The following RPF2 variants were observed in gnomAD, a reference collection of about 807,000 sequenced individuals.
The protein encoded by RPF2 is ribosome production factor 2 homolog, also known as brix domain containing 1.
In RPF2, 21 loss-of-function variants were observed where a neutral mutation model predicts 38.9. That is an observed-to-expected ratio of 0.54 (90% CI 0.38 to 0.78). RPF2 has a LOEUF of 0.78. Among genes scored for constraint, RPF2 ranks in the 30% least tolerant of loss-of-function variants. RPF2 has a pLI of 0.00. For missense variants in RPF2, 314 were observed against 358.1 expected, an observed-to-expected ratio of 0.88 and a Z score of 0.99; for synonymous variants, 121 against 126.2, an observed-to-expected ratio of 0.96 and a Z score of 0.28.
chr6:111,012,608 A>G (rs1441888676), intron 7 of RPF2, among the ~76,000 whole-genome samples: 1 of 152,162 alleles, frequency 6.6e-6, no homozygotes, highest in Non-Finnish European at 1.5e-5. Flanking sequence ...AAGGTCATGC[A>G]TTTACCAAGT....
intron 4 of RPF2, among the ~76,000 whole-genome samples, chr6:110,992,324 T>C (rs1239894232): frequency 6.6e-6 from 1 of 152,064 alleles, no homozygotes; most frequent in Non-Finnish European, 1.5e-5. Context: ...AAAAAAAATA[T>C]TTAAAACTTG....
At chr6:111,020,308 C>T (rs751328162) in intron 8 of RPF2, among the ~76,000 whole-genome samples, 19 of 152,218 alleles carry the variant, frequency 1.2e-4, no homozygotes, top group Admixed American at 2.0e-4. Flanking sequence ...CTCTGCCTCC[C>T]GCATTCAAGC....
At chr6:111,022,631 C>T (rs1396857375) in intron 8 of RPF2, among the ~76,000 whole-genome samples, 1 of 152,110 alleles carries the variant, frequency 6.6e-6, no homozygotes, top group African/African-American at 2.4e-5. Flanking sequence ...AATAAAAAGG[C>T]ACAATATTAA....
chr6:110,985,574 T>G (rs965820089), intron 2 of RPF2, among the ~76,000 whole-genome samples: 1 of 152,112 alleles, frequency 6.6e-6, no homozygotes, highest in African/African-American at 2.4e-5. Flanking sequence ...CTTAGAGAGA[T>G]AGACATGTAA....
intron 4 of RPF2, among the ~76,000 whole-genome samples, chr6:110,994,734 T>TACACACACACACACACAC (rs71021820): frequency 1.4e-4 from 19 of 134,136 alleles, no homozygotes; most frequent in African/African-American, 3.5e-4. Context: ...TGAGTATATA[T>TACACACACACACACACAC]ACACACACAC....
At position 110,984,774 on chromosome 6, in the gene RPF2, A is replaced by G. The variant is rs182204932; in HGVS notation, c.24-232A>G. Among the ~76,000 whole-genome samples the G allele has an allele frequency of 3.6e-3, 547 of 152,178 alleles. 1 individual carries two copies. Among genetic ancestry groups the G allele is most frequent in the African/African-American group, 0.013 (523 of 41,522 alleles). ...AGAATTGCTTGAACTCAGGAGGTGG[A>G]TGTTGCAGTGAGCCAAGATTGTGCC... On this transcript the variant is annotated intron_variant, in intron 1 of 9. Coordinates refer to ENST00000441448, the MANE Select transcript of RPF2 (RefSeq NM_032194.3).
At chr6:110,989,741 T>A (rs1771586907) in intron 3 of RPF2, among the ~76,000 whole-genome samples, 1 of 150,704 alleles carries the variant, frequency 6.6e-6, no homozygotes, top group African/African-American at 2.4e-5. Flanking sequence ...TTCTCCTGCC[T>A]CAGCCTCCTG....
At chr6:111,011,622 T>C (rs1376117538) in intron 7 of RPF2, among the ~76,000 whole-genome samples, 1 of 152,130 alleles carries the variant, frequency 6.6e-6, no homozygotes, top group Non-Finnish European at 1.5e-5. Flanking sequence ...GTCAGCCAGA[T>C]TTTCAGCTAA....
intron 4 of RPF2, among the ~76,000 whole-genome samples, chr6:110,992,473 T>C (rs1771637466): frequency 6.7e-6 from 1 of 149,728 alleles, no homozygotes; most frequent in African/African-American, 2.5e-5. Flanking sequence ...AGCTTGGGTC[T>C]TGGTATGTTG....
At chr6:110,995,761 T>C (rs1008406961) in intron 4 of RPF2, among the ~76,000 whole-genome samples, 2 of 152,288 alleles carry the variant, frequency 1.3e-5, no homozygotes, top group East Asian at 3.9e-4. Context: ...TTTAGTACTC[T>C]GAAATCTGTA....
chr6:111,000,044 T>C (rs1338553297), intron 6 of RPF2, among the ~76,000 whole-genome samples: 1 of 130,444 alleles, frequency 7.7e-6, no homozygotes, highest in Non-Finnish European at 1.6e-5. Context: ...GTCTAGGCCA[T>C]AGTTTTTTTA....
At chr6:110,985,532 A>G (rs2114287383) in intron 2 of RPF2, among the ~76,000 whole-genome samples, 1 of 152,306 alleles carries the variant, frequency 6.6e-6, no homozygotes, top group Admixed American at 6.5e-5. Flanking sequence ...TCTGCTGGGA[A>G]TTAATAGGTG....
intron 8 of RPF2, among the ~76,000 whole-genome samples, chr6:111,018,086 G>A (rs1047512217): frequency 4.6e-5 from 7 of 152,090 alleles, no homozygotes; most frequent in East Asian, 2.0e-4. Context: ...GGCGGCGCGC[G>A]CCTGCAGTCG....
chr6:110,994,732 TATAC>T (rs894875980), intron 4 of RPF2, among the ~76,000 whole-genome samples: 7 of 101,886 alleles, frequency 6.9e-5, no homozygotes, highest in African/African-American at 2.6e-4. Flanking sequence ...GATGAGTATA[TATAC>T]ACACACACAC....
intron 7 of RPF2, among the ~76,000 whole-genome samples, chr6:111,012,319 C>G (rs1181286800): frequency 6.6e-6 from 1 of 151,876 alleles, no homozygotes; most frequent in Non-Finnish European, 1.5e-5. Context: ...CACAGGTACA[C>G]GTCACCACGC....
At chr6:111,018,736 C>T (rs1772175423) in intron 8 of RPF2, among the ~76,000 whole-genome samples, 1 of 151,980 alleles carries the variant, frequency 6.6e-6, no homozygotes, top group African/African-American at 2.4e-5. Flanking sequence ...AGTAAAATAC[C>T]CAATGATCAT....
At chr6:111,008,898 C>CTT (rs57167034) in intron 7 of RPF2, among the ~76,000 whole-genome samples, 1,306 of 120,416 alleles carry the variant, frequency 0.011, 69 homozygotes, top group African/African-American at 0.041. Flanking sequence ...TTCCTGGCTC[C>CTT]TTTTTTTTTT....
At chr6:111,021,046 G>T (rs1772223328) in intron 8 of RPF2, among the ~76,000 whole-genome samples, 1 of 152,070 alleles carries the variant, frequency 6.6e-6, no homozygotes, top group African/African-American at 2.4e-5. Flanking sequence ...GCGCATGCCT[G>T]TAATCCCAGC....
intron 1 of RPF2, among the ~76,000 whole-genome samples, chr6:110,984,024 G>C (rs1000683298): frequency 2.0e-4 from 31 of 152,142 alleles, no homozygotes; most frequent in African/African-American, 7.5e-4. Context: ...GCGAGACTCT[G>C]TCTCAAAAAA....
Sources: allele counts gnomAD v4.1 joint callset (sites outside exome capture counted in the v4.1 genomes callset), GRCh38; gene constraint gnomAD v4.1.1; transcripts MANE v1.5; gene names NCBI Gene and HGNC (gene_info 2026-07-23, HGNC 2026-07-21).